Variants in ASAP1 observed in about 807,000 individuals in gnomAD.
The protein encoded by ASAP1 is ArfGAP with SH3 domain, ankyrin repeat and PH domain 1, also known as arf-GAP with SH3 domain, ANK repeat and PH domain-containing protein 1.
ASAP1 carries 43 observed loss-of-function variants against 145.2 expected under a neutral mutation model. That is an observed-to-expected ratio of 0.30 (90% confidence interval 0.23 to 0.38). ASAP1 has a LOEUF of 0.38. ASAP1 is among the 10% of genes least tolerant of loss of function. The probability of loss-of-function intolerance (pLI) is 1.00; values close to 1 mark genes in which losing one functional copy is unlikely to be tolerated. For missense variants in ASAP1, 1,018 were observed against 1,355.3 expected (o/e 0.75, Z 3.91); for synonymous variants, 546 against 515.5 (o/e 1.06, Z -0.80).
chr8:130,243,089 A>T (rs1818638423), intron 3 of ASAP1, among the ~76,000 whole-genome samples: 1 of 152,048 alleles, frequency 6.6e-6, no homozygotes, highest in Admixed American at 6.6e-5. Context: ...TTGTGCATCT[A>T]CCTCTCCTTA....
intron 3 of ASAP1, among the ~76,000 whole-genome samples, chr8:130,246,050 C>T (rs141458607): frequency 1.1e-4 from 17 of 152,114 alleles, no homozygotes; most frequent in South Asian, 6.2e-4. Context: ...TGAGGGCTTA[C>T]GACCTGGATG....
chr8:130,102,755 G>A (rs1185343631), intron 24 of ASAP1, among the ~76,000 whole-genome samples: 1 of 152,172 alleles, frequency 6.6e-6, no homozygotes, highest in East Asian at 1.9e-4. Context: ...GTGTGATCTT[G>A]ACTCACTGCA....
intron 25 of ASAP1, among the ~76,000 whole-genome samples, chr8:130,090,138 T>C (rs2097502494): frequency 6.6e-6 from 1 of 152,218 alleles, no homozygotes; most frequent in Admixed American, 6.5e-5. Context: ...CTGCTAGTCT[T>C]GCTCTTGAGT....
At chr8:130,254,905 A>G (rs76031100) in intron 3 of ASAP1, among the ~76,000 whole-genome samples, 3,097 of 152,272 alleles carry the variant, frequency 0.02, 103 homozygotes, top group African/African-American at 0.069. Flanking sequence ...CCATTATTCA[A>G]AAACAAAATA....
chr8:130,116,879 C>G lies in ASAP1; in HGVS notation c.1996+1G>C, dbSNP rs1214081407. 2 of 1,611,372 alleles carry G rather than the reference C, an allele frequency of 1.2e-6. No homozygotes were observed. ...CATGAAGACACTAGACACACTCTTA[C>G]CTATATCCACAGTGGGCTTGCTCCT... is the stretch of plus-strand genomic sequence containing the variant. On this transcript the variant is annotated splice_donor_variant, in intron 21 of 29. Coordinates refer to ENST00000518721, the MANE Select transcript of ASAP1 (RefSeq NM_018482.4). LOFTEE classifies it high-confidence loss of function.
chr8:130,321,377 C>T (rs944976073), intron 3 of ASAP1, among the ~76,000 whole-genome samples: 1 of 151,940 alleles, frequency 6.6e-6, no homozygotes, highest in African/African-American at 2.4e-5. Context: ...CCAAAGATTC[C>T]AAAGGGCAAG....
intron 3 of ASAP1, among the ~76,000 whole-genome samples, chr8:130,243,804 C>A (rs1318208410): frequency 6.6e-6 from 1 of 152,162 alleles, no homozygotes; most frequent in East Asian, 1.9e-4. Flanking sequence ...CTCCCAGTCA[C>A]TGTCCATTCA....
At chr8:130,240,421 C>G (rs922200707) in intron 3 of ASAP1, among the ~76,000 whole-genome samples, 24 of 152,006 alleles carry the variant, frequency 1.6e-4, no homozygotes, top group Admixed American at 3.9e-4. Context: ...AAACAAGGCT[C>G]CCTCTAGAAA....
chr8:130,425,955 C>G (rs1284359599), intron 1 of ASAP1, among the ~76,000 whole-genome samples: 1 of 152,168 alleles, frequency 6.6e-6, no homozygotes, highest in Non-Finnish European at 1.5e-5. Flanking sequence ...CCACCACTGC[C>G]GCTGCTTCCA....
intron 3 of ASAP1, among the ~76,000 whole-genome samples, chr8:130,255,038 A>G (rs867036318): frequency 6.6e-6 from 1 of 152,204 alleles, no homozygotes; most frequent in African/African-American, 2.4e-5. Flanking sequence ...GACTTTCCAC[A>G]TAAGTAATAA....
At chr8:130,148,467 G>A (rs756964984) in intron 13 of ASAP1, among the ~76,000 whole-genome samples, 2 of 152,210 alleles carry the variant, frequency 1.3e-5, no homozygotes, top group Non-Finnish European at 2.9e-5. Flanking sequence ...CCAGCATGGT[G>A]AGAAATGAAG....
intron 1 of ASAP1, among the ~76,000 whole-genome samples, chr8:130,432,009 G>C (rs1830152674): frequency 8.7e-6 from 1 of 114,354 alleles, no homozygotes; most frequent in Non-Finnish European, 1.8e-5. Flanking sequence ...GGAGGAGAAA[G>C]GGGAAAATGG....
intron 2 of ASAP1, among the ~76,000 whole-genome samples, chr8:130,382,079 G>A (rs1046044941): frequency 2.0e-5 from 3 of 152,106 alleles, no homozygotes; most frequent in African/African-American, 7.2e-5. Flanking sequence ...GAGGTCAGGA[G>A]ATCAAGACCA....
At chr8:130,121,504 G>C (rs1246944496) in intron 18 of ASAP1, among the ~76,000 whole-genome samples, 1 of 152,144 alleles carries the variant, frequency 6.6e-6, no homozygotes, top group East Asian at 1.9e-4. Context: ...TTAAGAGGCT[G>C]GGTGCAGTGG....
intron 23 of ASAP1, 96 bp downstream of exon 23, chr8:130,115,532 C>T (rs2097554066): frequency 1.0e-6 from 1 of 959,152 alleles, no homozygotes; most frequent in South Asian, 1.5e-5. Flanking sequence ...ATCATAAAAC[C>T]ACAATCAATC....
chr8:130,080,153 T>G (rs2097475811), intron 25 of ASAP1, among the ~76,000 whole-genome samples, 182 bp from the exon 26 acceptor site: 1 of 152,116 alleles, frequency 6.6e-6, no homozygotes. Flanking sequence ...GTTTTGGGCT[T>G]TGCGGTTTTT....
chr8:130,378,457 G>A (rs918381147), intron 2 of ASAP1, among the ~76,000 whole-genome samples: 1 of 152,220 alleles, frequency 6.6e-6, no homozygotes, highest in Non-Finnish European at 1.5e-5. Context: ...GTCCAGGCAC[G>A]AGTACAGCAG....
chr8:130,336,509 A>G (rs1269044597), intron 3 of ASAP1, among the ~76,000 whole-genome samples: 1 of 152,238 alleles, frequency 6.6e-6, no homozygotes, highest in Admixed American at 6.5e-5. Context: ...GCAATAAACC[A>G]AAGGAACTAA....
intron 9 of ASAP1, among the ~76,000 whole-genome samples, chr8:130,172,788 A>G (rs1300648062): frequency 1.3e-5 from 2 of 152,246 alleles, no homozygotes; most frequent in African/African-American, 2.4e-5. Flanking sequence ...AGAAAGACGG[A>G]ACTGTTTTAG....
Sources: allele counts gnomAD v4.1 joint callset (sites outside exome capture counted in the v4.1 genomes callset), GRCh38; gene constraint gnomAD v4.1.1; transcripts MANE v1.5; gene names NCBI Gene and HGNC (gene_info 2026-07-23, HGNC 2026-07-21).